Variants in DENND2C observed in about 807,000 individuals in gnomAD.
DENND2C encodes the protein DENN domain-containing protein 2C.
In DENND2C, 72 loss-of-function variants were observed where a neutral mutation model predicts 112.4. That is an observed-to-expected ratio of 0.64 (90% confidence interval 0.53 to 0.78). The LOEUF is 0.78. Ranked by LOEUF, DENND2C falls within the 30% of genes least tolerant of loss-of-function variation. DENND2C has a pLI of 0.00. For missense variants in DENND2C, 992 were observed against 1,113.8 expected (o/e 0.89, Z 1.56); for synonymous variants, 329 against 381.6 (o/e 0.86, Z 1.61).
In DENND2C at chr1:114,600,196, T is replaced by C. The variant is rs763509840; in HGVS notation, c.2105+8A>G. 17 of 1,611,288 alleles carry C rather than the reference T, an allele frequency of 1.1e-5. No individual in the cohort carries two copies. In the South Asian group the frequency reaches 1.9e-4, roughly 18 times the overall value. On this transcript the variant is annotated splice_region_variant and intron_variant, in intron 15 of 20. Transcript: ENST00000393274. Reference sequence around the variant, plus strand: ...AGTGTGAAGTAACATATTTCACTTATTTCTTACCTTAGGCTGTTGGCAACA... The same window carrying C: ...AGTGTGAAGTAACATATTTCACTTACTTCTTACCTTAGGCTGTTGGCAACA...
chr1:114,613,270 A>G (rs1240396334), intron 8 of DENND2C, among the ~76,000 whole-genome samples: 1 of 152,214 alleles, frequency 6.6e-6, no homozygotes, highest in East Asian at 1.9e-4. Flanking sequence ...GCAGGCATAC[A>G]AAGTCTGAAT....
chr1:114,621,174 G>A (rs751444159), intron 7 of DENND2C, among the ~76,000 whole-genome samples: 21 of 152,058 alleles, frequency 1.4e-4, no homozygotes, highest in Admixed American at 1.0e-3. Flanking sequence ...CTGCAGTCCC[G>A]GAACTCTGGG....
chr1:114,637,066 T>C (rs970390120), intron 3 of DENND2C, among the ~76,000 whole-genome samples: 3 of 147,864 alleles, frequency 2.0e-5, no homozygotes, highest in Non-Finnish European at 3.0e-5. Flanking sequence ...GCAATATGGT[T>C]AAACCCTGTC....
At chr1:114,589,472 C>T (rs1655126093) in intron 18 of DENND2C, among the ~76,000 whole-genome samples, 1 of 152,260 alleles carries the variant, frequency 6.6e-6, no homozygotes, top group Non-Finnish European at 1.5e-5. Flanking sequence ...ACCCTTCCTT[C>T]TCATCTCTTT....
At chr1:114,632,087 C>A (rs548006628) in intron 3 of DENND2C, among the ~76,000 whole-genome samples, 17 of 152,048 alleles carry the variant, frequency 1.1e-4, no homozygotes, top group Non-Finnish European at 1.9e-4. Flanking sequence ...GCAATAGAAA[C>A]TGTTTTTAAA....
At chr1:114,641,607 C>G (rs1430246372) in intron 3 of DENND2C, among the ~76,000 whole-genome samples, 1 of 152,132 alleles carries the variant, frequency 6.6e-6, no homozygotes, top group African/African-American at 2.4e-5. Context: ...GTCTCCTCCC[C>G]CTTCACTTTC....
intron 3 of DENND2C, among the ~76,000 whole-genome samples, chr1:114,634,524 C>T (rs1197473454): frequency 2.0e-5 from 3 of 151,866 alleles, no homozygotes; most frequent in Non-Finnish European, 4.4e-5. Context: ...GAAACATTCA[C>T]CAATAGACCA....
intron 10 of DENND2C, among the ~76,000 whole-genome samples, chr1:114,607,291 T>C (rs189901412): frequency 1.1e-3 from 171 of 152,288 alleles, no homozygotes; most frequent in South Asian, 2.5e-3. Flanking sequence ...CATTTCAAGA[T>C]GGTGACTGCA....
intron 3 of DENND2C, among the ~76,000 whole-genome samples, chr1:114,636,557 T>C (rs559407449): frequency 9.2e-5 from 14 of 152,078 alleles, no homozygotes; most frequent in Middle Eastern, 3.4e-3. Flanking sequence ...CACAGCTACT[T>C]GGGAGATTAA....
At chr1:114,605,784 C>A (rs1655643013) in intron 10 of DENND2C, among the ~76,000 whole-genome samples, 1 of 152,112 alleles carries the variant, frequency 6.6e-6, no homozygotes, top group Admixed American at 6.5e-5. Context: ...CAGAGAGAAA[C>A]CTGTCTCAAA....
intron 16 of DENND2C, among the ~76,000 whole-genome samples, chr1:114,596,146 G>T (rs1277126374): frequency 6.6e-6 from 1 of 152,220 alleles, no homozygotes; most frequent in Non-Finnish European, 1.5e-5. Flanking sequence ...GCCGAGGCAG[G>T]AGGATCTCTT....
intron 7 of DENND2C, among the ~76,000 whole-genome samples, 166 bp from the exon 8 acceptor site, chr1:114,618,648 TG>T (rs1476297434): frequency 7.2e-5 from 11 of 152,356 alleles, no homozygotes; most frequent in African/African-American, 2.6e-4. Context: ...TTTAATTAGA[TG>T]ATATGTTGTT....
intron 1 of DENND2C, among the ~76,000 whole-genome samples, chr1:114,669,641 C>T (rs1413966728): frequency 6.6e-6 from 1 of 152,140 alleles, no homozygotes; most frequent in Non-Finnish European, 1.5e-5. Context: ...GGCTGCCGGG[C>T]GCTCCCTCCC....
rs1394380015 is a variant in DENND2C, at chr1:114,598,483, G to GGT, written c.2283+790_2283+791insAC. On this transcript the variant is annotated intron_variant, in intron 16 of 20. Coordinates refer to ENST00000393274, the MANE Select transcript of DENND2C (RefSeq NM_001256404.2). ...AACTATAAAGCAAAAACAAGTAAAT[G>GGT]AATACCATAAAAGTCAAGATAATGA... is the stretch of plus-strand genomic sequence containing the variant. 1.3e-4 allele frequency among the ~76,000 whole-genome samples: 20 copies of GGT among 152,056 alleles called. No homozygotes were observed. The Middle Eastern group carries it at 0.01, about 78-fold the overall frequency.
chr1:114,611,225 A>T (rs1244409482), intron 8 of DENND2C, 108 bp from the exon 9 acceptor site: 3 of 1,235,068 alleles, frequency 2.4e-6, no homozygotes, highest in Non-Finnish European at 3.5e-6. Flanking sequence ...AAGGAATAAT[A>T]AAGCTGCTGA....
At chr1:114,644,487 G>A (rs1391930754) in intron 3 of DENND2C, among the ~76,000 whole-genome samples, 1 of 152,140 alleles carries the variant, frequency 6.6e-6, no homozygotes, top group African/African-American at 2.4e-5. Context: ...AATCTGCAGT[G>A]CCTATTACTT....
At chr1:114,618,816 C>T (rs1465888031) in intron 7 of DENND2C, among the ~76,000 whole-genome samples, 4 of 152,182 alleles carry the variant, frequency 2.6e-5, no homozygotes, top group African/African-American at 9.6e-5. Flanking sequence ...CTATTAAACT[C>T]AAGTTTTCAC....
At chr1:114,587,344 G>T (rs1319498430) in intron 20 of DENND2C, 43 bp downstream of exon 20, 3 of 1,607,400 alleles carry the variant, frequency 1.9e-6, no homozygotes, top group Non-Finnish European at 2.6e-6. Context: ...ACCGCGCCTG[G>T]TCTTCAGCCA....
At chr1:114,656,824 T>C (rs1346684953) in intron 1 of DENND2C, among the ~76,000 whole-genome samples, 2 of 152,060 alleles carry the variant, frequency 1.3e-5, no homozygotes, top group Non-Finnish European at 2.9e-5. Flanking sequence ...CAGTCTTGGC[T>C]CACTGCAACC....
Sources: allele counts gnomAD v4.1 joint callset (sites outside exome capture counted in the v4.1 genomes callset), GRCh38; gene constraint gnomAD v4.1.1; transcripts MANE v1.5; gene names NCBI Gene and HGNC (gene_info 2026-07-23, HGNC 2026-07-21).